The following MAP1B variants were observed in gnomAD, a reference collection of about 807,000 sequenced individuals.
The protein encoded by MAP1B is microtubule associated protein 1B.
In MAP1B, 12 loss-of-function variants were observed where a neutral mutation model predicts 176.1. The ratio of observed to expected loss-of-function variants is 0.07; its 90% CI spans 0.04 to 0.11. The LOEUF is 0.11. MAP1B is among the 10% of genes least tolerant of loss of function. The pLI is 1.00. For synonymous variants in MAP1B, 1,044 were observed against 1,135.0 expected, an observed-to-expected ratio of 0.92 and a Z score of 1.61; for missense variants, 2,523 against 2,990.5, an observed-to-expected ratio of 0.84 and a Z score of 3.65.
intron 2 of MAP1B, among the ~76,000 whole-genome samples, chr5:72,177,498 G>A (rs1746673992): frequency 6.6e-6 from 1 of 152,158 alleles, no homozygotes; most frequent in Admixed American, 6.5e-5. Flanking sequence ...CTGGGCCCCA[G>A]CGTTAGTTGC....
chr5:72,190,053 C>T (rs1192626873), intron 4 of MAP1B, among the ~76,000 whole-genome samples: 6 of 152,156 alleles, frequency 3.9e-5, no homozygotes, highest in African/African-American at 1.4e-4. Context: ...GGTCTAATTT[C>T]TCTAAAATGT....
rs1234775460 is a variant in MAP1B, at chr5:72,195,782, G to A, written c.2427G>A (p.Met809Ile). The change falls in exon 5 of 7, where the codon ATG becomes ATA. Residue 809 changes from methionine (M) to isoleucine (I), a missense_variant. Met to Ile is a conservative substitution (Grantham distance 10, BLOSUM62 1). This residue lies in a region of MAP1B where 1,925 missense variants were observed against 2,126.0 expected (regional missense o/e 0.91). Transcript: ENST00000296755. ...VGTGATTAAV[M>I]AAAGIAAIGP... ...CTGGAGCCACCACAGCAGCTGTCATGGCGGCAGCTGGAATAGCAGCCATTG... is the reference window on the plus strand; with the variant it reads ...CTGGAGCCACCACAGCAGCTGTCATAGCGGCAGCTGGAATAGCAGCCATTG... 6.8e-6 allele frequency: 11 copies of A among 1,614,044 alleles called. No homozygotes were observed. The highest frequency in any genetic ancestry group is 8.5e-6 in the Non-Finnish European group (10 of 1,179,994).
chr5:72,143,367 A>C (rs1469040817), intron 2 of MAP1B, among the ~76,000 whole-genome samples: 3 of 152,206 alleles, frequency 2.0e-5, no homozygotes, highest in Admixed American at 1.3e-4. Context: ...AGTACCCTCA[A>C]CAGAATCCAG....
At chr5:72,167,176 T>G (rs895662059) in intron 2 of MAP1B, among the ~76,000 whole-genome samples, 1 of 152,176 alleles carries the variant, frequency 6.6e-6, no homozygotes, top group African/African-American at 2.4e-5. Context: ...TTCTGCTAAA[T>G]CAGCACCTCC....
intron 2 of MAP1B, among the ~76,000 whole-genome samples, chr5:72,116,830 A>C (rs569274311): frequency 6.6e-6 from 1 of 152,280 alleles, no homozygotes; most frequent in Middle Eastern, 3.4e-3. Flanking sequence ...ATCAGGAATG[A>C]GATTCAGCCT....
At chr5:72,193,251 C>CA (rs1561312603) in intron 4 of MAP1B, 1 of 349,094 alleles carries the variant, frequency 2.9e-6, no homozygotes. Flanking sequence ...AAAAACCCAC[C>CA]AAGGTTTTTT....
chr5:72,170,877 G>A (rs915007406), intron 2 of MAP1B, among the ~76,000 whole-genome samples: 1 of 151,974 alleles, frequency 6.6e-6, no homozygotes, highest in Non-Finnish European at 1.5e-5. Context: ...AACCCAGGAG[G>A]CAGAGGTTGC....
At chr5:72,184,334 A>G (rs1310710863) in intron 3 of MAP1B, among the ~76,000 whole-genome samples, 1 of 152,140 alleles carries the variant, frequency 6.6e-6, no homozygotes, top group Non-Finnish European at 1.5e-5. Context: ...TGGGTTCATA[A>G]TCCCACATCT....
At chr5:72,142,114 C>T (rs1745958653) in intron 2 of MAP1B, among the ~76,000 whole-genome samples, 1 of 152,234 alleles carries the variant, frequency 6.6e-6, no homozygotes, top group African/African-American at 2.4e-5. Context: ...TGGAACCCCA[C>T]CCAGTGACAG....
At chr5:72,201,117 C>T (rs1250761309) in intron 5 of MAP1B, among the ~76,000 whole-genome samples, 1 of 151,986 alleles carries the variant, frequency 6.6e-6, no homozygotes, top group Non-Finnish European at 1.5e-5. Flanking sequence ...AATTTCAGCA[C>T]TTTGGGAGGC....
chr5:72,110,574 C>T (rs543949302), intron 1 of MAP1B, among the ~76,000 whole-genome samples: 30 of 152,342 alleles, frequency 2.0e-4, no homozygotes, highest in African/African-American at 7.0e-4. Flanking sequence ...GCTGGGCCTC[C>T]TCCAGAGGCC....
chr5:72,193,774 TC>T (rs1747081406), intron 4 of MAP1B, 91 bp from the exon 5 acceptor site: 1 of 1,363,048 alleles, frequency 7.3e-7, no homozygotes, highest in African/African-American at 1.5e-5. Flanking sequence ...CATCCTGTGA[TC>T]CTGTAACACA....
chr5:72,142,948 T>C (rs979186269), intron 2 of MAP1B, among the ~76,000 whole-genome samples: 1 of 152,186 alleles, frequency 6.6e-6, no homozygotes, highest in Non-Finnish European at 1.5e-5. Context: ...CCCAGCTTCA[T>C]AGTTCATTCT....
chr5:72,156,754 G>A lies in MAP1B; in HGVS notation c.287-26989G>A, dbSNP rs550790856. The stretch of plus-strand genomic sequence containing the variant: ...TCTTCTGGTTCCAGCTTCTGTTGCC[G>A]TGCACAATATGGGAAGCAGTGTTTC... On this transcript the variant is annotated intron_variant, in intron 2 of 6. Transcript: ENST00000296755. Among the ~76,000 whole-genome samples the A allele has an allele frequency of 9.2e-5, 14 of 152,228 alleles. No homozygotes were observed. In the South Asian group the frequency reaches 1.0e-3, roughly 11 times the overall value.
chr5:72,126,875 A>T (rs1014764490), intron 2 of MAP1B, among the ~76,000 whole-genome samples: 5 of 152,356 alleles, frequency 3.3e-5, no homozygotes, highest in Middle Eastern at 6.8e-3. Flanking sequence ...CAGACAAACC[A>T]AACAAGACAA....
chr5:72,110,582 G>A (rs1745313187), intron 1 of MAP1B, among the ~76,000 whole-genome samples: 1 of 152,204 alleles, frequency 6.6e-6, no homozygotes, highest in African/African-American at 2.4e-5. Context: ...TCCTCCAGAG[G>A]CCACTGCTGT....
chr5:72,195,523 A>G lies in MAP1B; in HGVS notation c.2168A>G (p.Lys723Arg). ...VKKEEKKEVK[K>R]EEKEPKKEIK... ...AAGGAAGAGAAGAAGGAAGTGAAAA[A>G]GGAAGAAAAGGAACCCAAAAAAGAA... The change falls in exon 5 of 7, where the codon AAG becomes AGG. Residue 723 changes from lysine to arginine, a missense_variant. Lys to Arg is a conservative substitution (Grantham distance 26, BLOSUM62 2). Transcript: ENST00000296755. The G allele has an allele frequency of 6.3e-7, 1 of 1,587,080 alleles. No individual in the cohort carries two copies. Among genetic ancestry groups the G allele is most frequent in the Non-Finnish European group, 8.5e-7 (1 of 1,173,560 alleles).
In MAP1B at chr5:72,195,182, C is replaced by T. The variant is rs564928079; in HGVS notation, c.1827C>T (p.Ser609=). The T allele has an allele frequency of 6.2e-7, 1 of 1,613,550 alleles. No individual in the cohort carries two copies. Among genetic ancestry groups the T allele is most frequent in the South Asian group, 1.1e-5 (1 of 90,996 alleles). ...CAGTGACTGAAAAGGAGGTTCCCAGCAAAGAAGAGCCATCTCCAGTGAAAG... is the reference window on the plus strand; with the variant it reads ...CAGTGACTGAAAAGGAGGTTCCCAGTAAAGAAGAGCCATCTCCAGTGAAAG... ...KPSVTEKEVP[S]KEEPSPVKAE... is the part of the protein sequence containing the mutation. The change falls in exon 5 of 7, where the codon AGC becomes AGT. Residue 609 remains serine, a synonymous_variant. Transcript: ENST00000296755.
At chr5:72,192,989 C>A (rs1747056425) in intron 4 of MAP1B, among the ~76,000 whole-genome samples, 1 of 152,224 alleles carries the variant, frequency 6.6e-6, no homozygotes, top group Non-Finnish European at 1.5e-5. Flanking sequence ...CTTAGCTGCT[C>A]ACACCCAACT....
Sources: allele counts gnomAD v4.1 joint callset (sites outside exome capture counted in the v4.1 genomes callset), GRCh38; gene constraint gnomAD v4.1.1; regional missense constraint gnomAD v4.1.1; transcripts MANE v1.5; gene names NCBI Gene and HGNC (gene_info 2026-07-23, HGNC 2026-07-21).